Variants in OR3A2 observed in about 807,000 individuals in gnomAD.
OR3A2 encodes olfactory receptor family 3 subfamily A member 2.
For synonymous variants in OR3A2, 126 were observed against 159.3 expected (o/e 0.79, Z 1.57); for missense variants, 318 against 392.8 (o/e 0.81, Z 1.61).
chr17:3,329,383 T>G (rs913121473), intron 3 of OR3A2, among the ~76,000 whole-genome samples: 1 of 150,846 alleles, frequency 6.6e-6, no homozygotes, highest in African/African-American at 2.4e-5. Context: ...TTGCCACAAT[T>G]TCAGCTCCCG....
chr17:3,320,815 T>C (rs1280151100), intron 3 of OR3A2, among the ~76,000 whole-genome samples: 3 of 152,150 alleles, frequency 2.0e-5, no homozygotes, highest in Non-Finnish European at 4.4e-5. Context: ...GGTAGTGTGA[T>C]GCCTCCAGCT....
chr17:3,366,500 AAG>A (rs1195208263), intron 2 of OR3A2, among the ~76,000 whole-genome samples: 2 of 152,222 alleles, frequency 1.3e-5, no homozygotes, highest in Non-Finnish European at 2.9e-5. Flanking sequence ...GGAAATCACA[AAG>A]AGTTTTTAAA....
Position 3,311,735 on chromosome 17 carries a change from T to C in OR3A2, c.-85+24298A>G, listed in dbSNP as rs569984218. 5 of 268,864 alleles carry C rather than the reference T, an allele frequency of 1.9e-5. No individual in the cohort carries two copies. Among genetic ancestry groups the C allele is most frequent in the African/African-American group, 1.1e-4 (5 of 46,020 alleles). 16.7% of individuals were successfully genotyped at this position (268,864 alleles called of 1,614,324 possible). A position where few individuals can be genotyped will look rare whatever the true frequency, so the allele number is the denominator to read the frequency against. On this transcript the variant is annotated intron_variant, in intron 3 of 4. Coordinates refer to the OR3A2 transcript ENST00000573491. The surrounding 1 kb of genome is among the most constrained non-coding windows in gnomAD (Gnocchi z 4.6). ...TCCACATGTGGCTCCCACCTCACTG[T>C]GGTCTGAATCTTTTATGGAACTGGC... is the stretch of plus-strand genomic sequence containing the variant.
intron 3 of OR3A2, among the ~76,000 whole-genome samples, chr17:3,297,437 C>T (rs2048928103): frequency 6.6e-6 from 1 of 151,906 alleles, no homozygotes; most frequent in Admixed American, 6.6e-5. Flanking sequence ...TTTACTTTAT[C>T]TGGAACATCC....
rs575440688 is a variant in OR3A2, at chr17:3,359,051, T to C, written c.-178-22925A>G. Among the ~76,000 whole-genome samples the C allele has an allele frequency of 2.4e-4, 37 of 151,992 alleles. No homozygotes were observed. The South Asian group carries it at 7.5e-3, about 31-fold the overall frequency. On this transcript the variant is annotated intron_variant, in intron 2 of 4. Transcript: ENST00000573491. ...TGTGTAGTGTCCTTCTTTGTCTTTT[T>C]TGATATTTGTTGGTTTTAAATCTGT...
upstream of OR3A2, among the ~76,000 whole-genome samples, chr17:3,284,719 G>A (rs909202103): frequency 1.3e-4 from 19 of 143,576 alleles, 2 homozygotes; most frequent in African/African-American, 5.2e-4. Flanking sequence ...GATGATGTCC[G>A]CTCTGCTTAA....
upstream of OR3A2, among the ~76,000 whole-genome samples, chr17:3,286,056 C>A (rs570996287): frequency 1.5e-4 from 23 of 152,198 alleles, no homozygotes; most frequent in East Asian, 4.1e-3. Context: ...TTAATGCTAT[C>A]CCTCCCCTTG....
At chr17:3,277,763 A>G in exon 2 of OR3A2, 1 of 550,442 alleles carries the variant, frequency 1.8e-6, no homozygotes, top group South Asian at 3.0e-5. Context: ...GCCTTGGAAG[A>G]CTGTCCAGAT....
At chr17:3,381,943 GA>G (rs752695857) in intron 2 of OR3A2, among the ~76,000 whole-genome samples, 2 of 151,950 alleles carry the variant, frequency 1.3e-5, no homozygotes, top group African/African-American at 4.8e-5. Flanking sequence ...CAGCATTACA[GA>G]AAAAACAAAA....
chr17:3,304,001 T>C (rs1008893744), intron 3 of OR3A2, among the ~76,000 whole-genome samples: 1 of 147,880 alleles, frequency 6.8e-6, no homozygotes, highest in South Asian at 2.1e-4. Flanking sequence ...TAATAATATA[T>C]ATATATATAT....
chr17:3,384,458 A>G (rs1251032699), intron 1 of OR3A2, among the ~76,000 whole-genome samples: 1 of 152,122 alleles, frequency 6.6e-6, no homozygotes, highest in Admixed American at 6.6e-5. Flanking sequence ...TGCAGTCTGC[A>G]ATGCCCTCCC....
intron 2 of OR3A2, among the ~76,000 whole-genome samples, chr17:3,369,468 G>A (rs992501861): frequency 7.9e-5 from 12 of 152,122 alleles, no homozygotes; most frequent in Admixed American, 4.6e-4. Flanking sequence ...TTTGTCAAAT[G>A]CTTTTTCTGC....
At chr17:3,364,944 T>C (rs917142162) in intron 2 of OR3A2, among the ~76,000 whole-genome samples, 1 of 150,838 alleles carries the variant, frequency 6.6e-6, no homozygotes, top group Non-Finnish European at 1.5e-5. Context: ...TAATTACAGG[T>C]CACTGTTACA....
intron 3 of OR3A2, among the ~76,000 whole-genome samples, chr17:3,289,941 T>C (rs182486742): frequency 7.2e-4 from 109 of 151,870 alleles, no homozygotes; most frequent in Non-Finnish European, 1.3e-3. Context: ...AGGTAGGGAG[T>C]GTTAAGTTGG....
At chr17:3,282,063 C>CA (rs1418426044) in intron 1 of OR3A2, among the ~76,000 whole-genome samples, 3 of 152,124 alleles carry the variant, frequency 2.0e-5, no homozygotes, top group African/African-American at 7.2e-5. Flanking sequence ...TGAAGGTCAC[C>CA]AGCCCTTTTA....
chr17:3,314,186 A>G (rs1443993782), intron 3 of OR3A2, among the ~76,000 whole-genome samples: 2 of 152,210 alleles, frequency 1.3e-5, no homozygotes, highest in Non-Finnish European at 2.9e-5. Flanking sequence ...TTATAAACAG[A>G]GCATTTAATT....
At chr17:3,353,425 C>A (rs550144832) in intron 2 of OR3A2, among the ~76,000 whole-genome samples, 7 of 151,780 alleles carry the variant, frequency 4.6e-5, no homozygotes, top group African/African-American at 1.7e-4. Context: ...TGGACATTCT[C>A]GCTGTATTCT....
intron 2 of OR3A2, among the ~76,000 whole-genome samples, chr17:3,371,550 C>T (rs1349191447): frequency 3.6e-5 from 5 of 138,674 alleles, no homozygotes; most frequent in African/African-American, 8.2e-5. Context: ...CCGGACGGGG[C>T]GGCTGGCCGG....
In OR3A2 at chr17:3,319,825, G is replaced by A. The variant is rs530487991; in HGVS notation, c.-85+16208C>T. 7.2e-5 allele frequency among the ~76,000 whole-genome samples: 11 copies of A among 152,236 alleles called. No homozygotes were observed. In the East Asian group the frequency reaches 1.9e-3, roughly 27 times the overall value. On this transcript the variant is annotated intron_variant, in intron 3 of 4. Transcript: ENST00000573491. ...AGTCTTTGCTATTGTGAATAGTGCT[G>A]CAATAAACATACGTGTGCATGTGTC...
Sources: allele counts gnomAD v4.1 joint callset (sites outside exome capture counted in the v4.1 genomes callset), GRCh38; gene constraint gnomAD v4.1.1; non-coding constraint Gnocchi (gnomAD v3.1); transcripts MANE v1.5; gene names NCBI Gene and HGNC (gene_info 2026-07-23, HGNC 2026-07-21).